The following SLC24A2 variants were observed in gnomAD, a reference collection of about 807,000 sequenced individuals.
SLC24A2 encodes the protein sodium/potassium/calcium exchanger 2.
A neutral mutation model predicts 62.0 loss-of-function variants in SLC24A2; 36 were observed. That is an observed-to-expected ratio of 0.58 (90% CI 0.44 to 0.77). The LOEUF (loss-of-function observed/expected upper bound fraction) is 0.77, where lower values mean the gene tolerates loss of function less well. Among genes scored for constraint, SLC24A2 ranks in the 30% least tolerant of loss-of-function variants. The pLI, the probability that SLC24A2 is intolerant of heterozygous loss-of-function variation, is 0.00. For synonymous variants in SLC24A2, 358 were observed against 294.0 expected, an observed-to-expected ratio of 1.22 and a Z score of -2.23; for missense variants, 846 against 817.9, an observed-to-expected ratio of 1.03 and a Z score of -0.42.
the SLC24A2 span, among the ~76,000 whole-genome samples, chr9:20,216,624 C>A: frequency 6.6e-6 from 1 of 152,124 alleles, no homozygotes; most frequent in Non-Finnish European, 1.5e-5. Context: ...ACTCCTGGGG[C>A]AGTGATGATA....
chr9:19,526,232 T>G (rs1833441416), intron 9 of SLC24A2, among the ~76,000 whole-genome samples: 1 of 152,244 alleles, frequency 6.6e-6, no homozygotes, highest in Non-Finnish European at 1.5e-5. Context: ...TATACCATAT[T>G]TTGCTTATCC....
chr9:19,910,366 C>A, the SLC24A2 span, among the ~76,000 whole-genome samples: 30 of 152,252 alleles, frequency 2.0e-4, no homozygotes, highest in African/African-American at 5.8e-4. Flanking sequence ...TGGCCTTAAT[C>A]ACCTTTTGTT....
the SLC24A2 span, among the ~76,000 whole-genome samples, chr9:20,002,953 T>C: frequency 6.6e-5 from 10 of 152,300 alleles, no homozygotes; most frequent in East Asian, 3.9e-4. Flanking sequence ...CGTGTTTAGA[T>C]GGCTCTGTGC....
At chr9:20,103,710 A>G in the SLC24A2 span, among the ~76,000 whole-genome samples, 1 of 152,210 alleles carries the variant, frequency 6.6e-6, no homozygotes, top group African/African-American at 2.4e-5. Context: ...CATCACCATC[A>G]TCAAAGACCA....
the SLC24A2 span, among the ~76,000 whole-genome samples, chr9:20,065,034 C>T: frequency 6.6e-6 from 1 of 152,202 alleles, no homozygotes; most frequent in African/African-American, 2.4e-5. Flanking sequence ...GATTCCAGAA[C>T]TGGTATCCAA....
intron 7 of SLC24A2, among the ~76,000 whole-genome samples, chr9:19,552,806 C>T (rs1281498688): frequency 6.6e-6 from 1 of 152,204 alleles, no homozygotes; most frequent in Non-Finnish European, 1.5e-5. Flanking sequence ...CTCCATCTGC[C>T]AAAGTCACCA....
At chr9:20,290,828 G>C in the SLC24A2 span, among the ~76,000 whole-genome samples, 2 of 152,212 alleles carry the variant, frequency 1.3e-5, no homozygotes, top group African/African-American at 4.8e-5. Flanking sequence ...GGCAAGGGAT[G>C]GAGTCCTCAG....
the SLC24A2 span, among the ~76,000 whole-genome samples, chr9:20,019,311 G>GAAAGAAAGAAA: frequency 6.0e-4 from 88 of 145,548 alleles, no homozygotes; most frequent in Middle Eastern, 3.5e-3. Flanking sequence ...AAGAAAGAAA[G>GAAAGAAAGAAA]AAAGTGAGTG....
chr9:20,096,003 T>C, the SLC24A2 span, among the ~76,000 whole-genome samples: 1 of 152,042 alleles, frequency 6.6e-6, no homozygotes, highest in Non-Finnish European at 1.5e-5. Context: ...TTCCACAACA[T>C]GTGGAATTAT....
chr9:20,038,129 C>T, the SLC24A2 span, among the ~76,000 whole-genome samples: 854 of 152,208 alleles, frequency 5.6e-3, 2 homozygotes, highest in Admixed American at 0.011. Context: ...AATTGAATCT[C>T]CCAAAAATAT....
chr9:19,574,269 G>A (rs1835941990), intron 6 of SLC24A2, among the ~76,000 whole-genome samples: 1 of 152,190 alleles, frequency 6.6e-6, no homozygotes, highest in African/African-American at 2.4e-5. Flanking sequence ...AAGTAATAGA[G>A]GCCAAAGGCT....
At chr9:20,039,569 T>A in the SLC24A2 span, among the ~76,000 whole-genome samples, 2 of 151,808 alleles carry the variant, frequency 1.3e-5, no homozygotes, top group South Asian at 2.1e-4. Context: ...GTTGGCATTG[T>A]GGAAATAGGC....
chr9:19,992,678 T>G, the SLC24A2 span, among the ~76,000 whole-genome samples: 2 of 152,320 alleles, frequency 1.3e-5, no homozygotes, highest in African/African-American at 2.4e-5. Flanking sequence ...GGGTACTTAC[T>G]CATCTCATAG....
the SLC24A2 span, among the ~76,000 whole-genome samples, chr9:19,874,464 T>C: frequency 6.6e-6 from 1 of 152,186 alleles, no homozygotes; most frequent in African/African-American, 2.4e-5. Flanking sequence ...AAAAGTAGAA[T>C]TTGATTCTGA....
At chr9:19,804,553 C>G in the SLC24A2 span, among the ~76,000 whole-genome samples, 2 of 152,030 alleles carry the variant, frequency 1.3e-5, no homozygotes, top group East Asian at 3.8e-4. Context: ...TGGGGGAGTC[C>G]TTAGGATTTC....
the SLC24A2 span, among the ~76,000 whole-genome samples, chr9:20,247,163 T>A: frequency 4.6e-5 from 7 of 152,194 alleles, no homozygotes; most frequent in Admixed American, 4.6e-4. Flanking sequence ...AGCAGTGGCA[T>A]AAAAGTCAGG....
chr9:19,778,779 T>G (rs1327184164), intron 2 of SLC24A2, among the ~76,000 whole-genome samples: 1 of 151,926 alleles, frequency 6.6e-6, no homozygotes, highest in African/African-American at 2.4e-5. Context: ...AAACATATGC[T>G]CAAAGTTTAA....
chr9:20,043,258 G>GA, the SLC24A2 span, among the ~76,000 whole-genome samples: 5 of 152,178 alleles, frequency 3.3e-5, no homozygotes, highest in Admixed American at 3.3e-4. Context: ...AGAACGAAAA[G>GA]AAAGTGAAAC....
the SLC24A2 span, among the ~76,000 whole-genome samples, chr9:20,024,375 A>G: frequency 6.6e-6 from 1 of 152,202 alleles, no homozygotes; most frequent in South Asian, 2.1e-4. Context: ...ACACATAGGC[A>G]GTGGGACTGG....
Sources: allele counts gnomAD v4.1 joint callset (sites outside exome capture counted in the v4.1 genomes callset), GRCh38; gene constraint gnomAD v4.1.1; transcripts MANE v1.5; gene names NCBI Gene and HGNC (gene_info 2026-07-23, HGNC 2026-07-21).